ABCC11: variants seen among roughly 807,000 people sequenced by gnomAD.
ABCC11 encodes the protein ATP binding cassette subfamily C member 11.
A neutral mutation model predicts 149.3 loss-of-function variants in ABCC11; 135 were observed. The ratio of observed to expected loss-of-function variants is 0.90; its 90% CI spans 0.79 to 1.04. The LOEUF (loss-of-function observed/expected upper bound fraction) is 1.04, where lower values mean the gene tolerates loss of function less well. Among genes scored for constraint, ABCC11 ranks in the 50% least tolerant of loss-of-function variants. The pLI is 0.00. For missense variants in ABCC11, 1,680 were observed against 1,722.1 expected (o/e 0.98, Z 0.43); for synonymous variants, 665 against 671.4 (o/e 0.99, Z 0.15).
chr16:48,233,413 C>T (rs1970528903), intron 1 of ABCC11, among the ~76,000 whole-genome samples: 1 of 152,188 alleles, frequency 6.6e-6, no homozygotes, highest in Non-Finnish European at 1.5e-5. Flanking sequence ...CCAGCCAGGG[C>T]ACCAGGCCAT....
chr16:48,175,591 G>A (rs552208585), intron 25 of ABCC11, among the ~76,000 whole-genome samples, 174 bp from the exon 26 acceptor site: 3 of 152,316 alleles, frequency 2.0e-5, no homozygotes, highest in Admixed American at 6.5e-5. Flanking sequence ...GATACCTAAT[G>A]CCATGAGCAG....
chr16:48,214,855 G>A (rs769393313), intron 9 of ABCC11, 26 bp downstream of exon 9: 2 of 1,613,384 alleles, frequency 1.2e-6, no homozygotes, highest in Admixed American at 3.3e-5. Context: ...ATGATGGGGA[G>A]AAAACAAAGC....
intron 26 of ABCC11, among the ~76,000 whole-genome samples, chr16:48,171,916 T>C (rs1313354406): frequency 6.6e-6 from 1 of 152,182 alleles, no homozygotes; most frequent in Non-Finnish European, 1.5e-5. Flanking sequence ...TGAGCTGAGA[T>C]GGTGTCACTG....
intron 1 of ABCC11, among the ~76,000 whole-genome samples, chr16:48,234,155 C>T (rs991234866): frequency 1.3e-5 from 2 of 152,282 alleles, no homozygotes; most frequent in East Asian, 1.9e-4. Flanking sequence ...TGGCCGATTT[C>T]GTGATGTGAT....
At chr16:48,176,134 TG>T (rs1966054129) in intron 25 of ABCC11, 3 of 151,778 alleles carry the variant, frequency 2.0e-5, no homozygotes, top group South Asian at 4.2e-4. Flanking sequence ...AATCGGCAGG[TG>T]GAAAATAGCA....
At chr16:48,223,984 T>C (rs961925303) in intron 5 of ABCC11, among the ~76,000 whole-genome samples, 1 of 152,156 alleles carries the variant, frequency 6.6e-6, no homozygotes, top group Non-Finnish European at 1.5e-5. Context: ...GAGGGTCCCA[T>C]GGGATTCCAT....
intron 21 of ABCC11, 48 bp from the exon 22 acceptor site, chr16:48,187,138 C>T: frequency 6.2e-7 from 1 of 1,613,748 alleles, no homozygotes; most frequent in South Asian, 1.1e-5. Context: ...ACCTCTGGGA[C>T]CATCTAGTCT....
intron 23 of ABCC11, among the ~76,000 whole-genome samples, chr16:48,184,167 A>C (rs1007897415): frequency 1.3e-5 from 2 of 152,198 alleles, no homozygotes; most frequent in Non-Finnish European, 2.9e-5. Flanking sequence ...TAATATGCAC[A>C]CTGGACTCTG....
At chr16:48,229,574 C>T (rs1411164600) in intron 3 of ABCC11, among the ~76,000 whole-genome samples, 1 of 146,060 alleles carries the variant, frequency 6.8e-6, no homozygotes. Flanking sequence ...ACACCATTCT[C>T]CTGCCTCAGC....
At chr16:48,194,777 C>T (rs1019552594) in intron 18 of ABCC11, among the ~76,000 whole-genome samples, 1 of 152,230 alleles carries the variant, frequency 6.6e-6, no homozygotes. Context: ...ACTGGGCCCT[C>T]ACCAGACAAA....
At chr16:48,174,559 G>A (rs1965917132) in intron 26 of ABCC11, among the ~76,000 whole-genome samples, 1 of 152,238 alleles carries the variant, frequency 6.6e-6, no homozygotes, top group African/African-American at 2.4e-5. Flanking sequence ...AGAAAGTGTA[G>A]TGAAGAGGCT....
intron 14 of ABCC11, among the ~76,000 whole-genome samples, chr16:48,201,992 G>A (rs752346601): frequency 1.3e-5 from 2 of 152,162 alleles, no homozygotes; most frequent in African/African-American, 2.4e-5. Context: ...TGTCCCTGCC[G>A]TGCTTCCAGG....
Position 48,243,669 on chromosome 16 carries a change from T to C in ABCC11, c.-19+3645A>G, listed in dbSNP as rs576185695. Among the ~76,000 whole-genome samples the C allele has an allele frequency of 9.2e-5, 14 of 152,232 alleles. No individual in the cohort carries two copies. The South Asian group carries it at 2.5e-3, about 27-fold the overall frequency. Reference sequence around the variant, plus strand: ...CAGACGAAACTGGGTGAAAGGTATATAGGAACTCTGCTGTAGTTTTGTACA... The same window carrying C: ...CAGACGAAACTGGGTGAAAGGTATACAGGAACTCTGCTGTAGTTTTGTACA... On this transcript the variant is annotated intron_variant, in intron 1 of 29. Transcript: ENST00000356608.
At chr16:48,220,301 T>C (rs1969648942) in intron 6 of ABCC11, among the ~76,000 whole-genome samples, 1 of 152,208 alleles carries the variant, frequency 6.6e-6, no homozygotes, top group South Asian at 2.1e-4. Flanking sequence ...ACAAGTTACC[T>C]ACCCTTTCCT....
intron 11 of ABCC11, 39 bp downstream of exon 11, chr16:48,210,909 C>A: frequency 6.2e-7 from 1 of 1,602,160 alleles, no homozygotes; most frequent in Non-Finnish European, 8.5e-7. Flanking sequence ...TCCTGAGAGC[C>A]TGGCAGCTGG....
chr16:48,236,487 C>T (rs1204144664), intron 1 of ABCC11, among the ~76,000 whole-genome samples: 2 of 152,200 alleles, frequency 1.3e-5, no homozygotes, highest in African/African-American at 2.4e-5. Flanking sequence ...CTGCATACCT[C>T]ATTGAATGTA....
chr16:48,175,387 C>A lies in ABCC11; in HGVS notation c.3569G>T (p.Arg1190Leu), dbSNP rs137950991. 2 of 1,612,534 alleles carry A rather than the reference C, an allele frequency of 1.2e-6. No individual in the cohort carries two copies. The highest frequency in any genetic ancestry group is 1.1e-5 in the South Asian group (1 of 91,034). The change falls in exon 26 of 30, where the codon CGC becomes CTC. Residue 1190 changes from arginine to leucine, a missense_variant. By Grantham distance (102) the Arg-to-Leu change is moderately radical. Coordinates refer to ENST00000356608, the MANE Select transcript of ABCC11 (RefSeq NM_001370497.1). ...GKSSLGMALF[R>L]LVEPMAGRIL... ...CCGGCCTGCCATGGGCTCCACCAGG[C>A]GGAAGAGAGCCATGCCCAAGGAGGA...
intron 1 of ABCC11, among the ~76,000 whole-genome samples, chr16:48,238,665 C>T (rs906120148): frequency 9.9e-5 from 15 of 151,838 alleles, no homozygotes; most frequent in African/African-American, 3.1e-4. Context: ...AGGCCGGGCG[C>T]GGTGGCTCAC....
At chr16:48,177,219 C>T in intron 24 of ABCC11, 106 bp from the exon 25 acceptor site, 1 of 1,162,560 alleles carries the variant, frequency 8.6e-7, no homozygotes, top group South Asian at 1.6e-5. Context: ...CCACCCCAGC[C>T]TGCCTTGCGC....
Sources: gnomAD v4.1 joint callset for allele counts (sites outside exome capture counted in the v4.1 genomes callset) on GRCh38, gnomAD v4.1.1 for gene constraint, MANE v1.5 for transcripts, NCBI Gene and HGNC (gene_info 2026-07-23, HGNC 2026-07-21) for gene names.